The following SPINK9 variants were observed in gnomAD, a reference collection of about 807,000 sequenced individuals.
SPINK9 encodes the protein serine peptidase inhibitor Kazal type 9, also known as serine protease inhibitor Kazal-type 9.
SPINK9 carries 3 observed loss-of-function variants against 10.8 expected under a neutral mutation model. That is an observed-to-expected ratio of 0.28 (90% CI 0.13 to 0.72). The LOEUF is 0.72. SPINK9 is among the 30% of genes least tolerant of loss of function. SPINK9 has a pLI of 0.74. For synonymous variants in SPINK9, 30 were observed against 31.2 expected, an observed-to-expected ratio of 0.96 and a Z score of 0.12; for missense variants, 101 against 103.2, an observed-to-expected ratio of 0.98 and a Z score of 0.09.
intron 3 of SPINK9, among the ~76,000 whole-genome samples, chr5:148,339,122 T>C (rs1212486524): frequency 6.6e-6 from 1 of 152,170 alleles, no homozygotes; most frequent in Admixed American, 6.5e-5. Context: ...CTCAACAGAA[T>C]ATATGTTGGT....
intron 2 of SPINK9, among the ~76,000 whole-genome samples, chr5:148,325,430 C>G (rs1757046396): frequency 6.6e-6 from 1 of 151,956 alleles, no homozygotes; most frequent in Non-Finnish European, 1.5e-5. Context: ...ACCTATTCAC[C>G]AACACGTCAC....
chr5:148,339,571 T>G, intron 3 of SPINK9, 96 bp from the exon 4 acceptor site: 1 of 1,067,924 alleles, frequency 9.4e-7, no homozygotes, highest in Non-Finnish European at 1.4e-6. Flanking sequence ...GCGGGGAAAC[T>G]TGAATACATT....
intron 2 of SPINK9, among the ~76,000 whole-genome samples, chr5:148,328,763 T>C (rs1031957253): frequency 1.6e-4 from 24 of 152,246 alleles, no homozygotes; most frequent in Non-Finnish European, 2.9e-5. Context: ...GAGATAATCA[T>C]GTGGTTTTTG....
chr5:148,327,968 A>C (rs1381026310), intron 2 of SPINK9, among the ~76,000 whole-genome samples: 2 of 150,978 alleles, frequency 1.3e-5, no homozygotes, highest in Admixed American at 6.6e-5. Flanking sequence ...CTTTTGGCTT[A>C]GGATTGACTT....
At chr5:148,335,535 A>C, upstream of SPINK9, 1 of 1,283,104 alleles carries the variant, frequency 7.8e-7, no homozygotes, top group Non-Finnish European at 1.1e-6. Context: ...AAAATATATA[A>C]GGCAGGATCA....
upstream of SPINK9, among the ~76,000 whole-genome samples, chr5:148,332,246 G>C (rs1449859553): frequency 1.3e-5 from 2 of 152,222 alleles, no homozygotes; most frequent in Admixed American, 6.5e-5. Flanking sequence ...AAGCACAGCA[G>C]TTACTTCAGA....
chr5:148,335,121 G>A (rs959633648), upstream of SPINK9, among the ~76,000 whole-genome samples: 1 of 152,170 alleles, frequency 6.6e-6, no homozygotes, highest in Non-Finnish European at 1.5e-5. Context: ...ACCTGCAAGA[G>A]CTTCTTCCAG....
upstream of SPINK9, among the ~76,000 whole-genome samples, chr5:148,335,078 T>C (rs901871634): frequency 2.0e-5 from 3 of 152,196 alleles, no homozygotes; most frequent in African/African-American, 7.2e-5. Context: ...CTTCCATTAG[T>C]AGTATAAAGT....
intron 1 of SPINK9, among the ~76,000 whole-genome samples, chr5:148,322,394 A>G (rs1205403614): frequency 1.3e-5 from 2 of 152,184 alleles, no homozygotes; most frequent in Non-Finnish European, 2.9e-5. Context: ...CACAAAATAT[A>G]CGTCTTTACT....
At chr5:148,328,099 T>G (rs1036146562) in intron 2 of SPINK9, among the ~76,000 whole-genome samples, 3 of 152,200 alleles carry the variant, frequency 2.0e-5, no homozygotes, top group African/African-American at 7.2e-5. Flanking sequence ...CCTTGGGCAG[T>G]ATGGCCATTT....
chr5:148,329,143 T>C (rs1757110999), intron 2 of SPINK9, among the ~76,000 whole-genome samples: 1 of 152,174 alleles, frequency 6.6e-6, no homozygotes, highest in Non-Finnish European at 1.5e-5. Flanking sequence ...CTGGACTTTT[T>C]TTTGTTTGGT....
At chr5:148,326,518 T>A (rs1013147456) in intron 2 of SPINK9, among the ~76,000 whole-genome samples, 3 of 152,066 alleles carry the variant, frequency 2.0e-5, no homozygotes, top group Non-Finnish European at 4.4e-5. Context: ...GGAATGAATT[T>A]TTATTATTAT....
upstream of SPINK9, among the ~76,000 whole-genome samples, chr5:148,331,108 C>A (rs542741047): frequency 6.6e-6 from 1 of 152,302 alleles, no homozygotes; most frequent in African/African-American, 2.4e-5. Flanking sequence ...CACCCACTGT[C>A]CAGCACTCCC....
intron 1 of SPINK9, among the ~76,000 whole-genome samples, chr5:148,321,588 C>G (rs1757000717): frequency 6.6e-6 from 1 of 151,508 alleles, no homozygotes; most frequent in African/African-American, 2.4e-5. Flanking sequence ...AAGTCCAAGT[C>G]CAATCCTCTT....
chr5:148,331,273 T>A (rs956906550), upstream of SPINK9, among the ~76,000 whole-genome samples: 6 of 152,238 alleles, frequency 3.9e-5, no homozygotes, highest in Non-Finnish European at 7.3e-5. Context: ...ATATACACAA[T>A]GGAATATTAT....
chr5:148,339,584 T>G, intron 3 of SPINK9, 83 bp from the exon 4 acceptor site: 1 of 1,167,448 alleles, frequency 8.6e-7, no homozygotes, highest in Non-Finnish European at 1.3e-6. Context: ...AATACATTTT[T>G]GGGATTCATT....
intron 1 of SPINK9, 59 bp downstream of exon 1, chr5:148,335,727 G>C (rs994610231): frequency 2.6e-5 from 40 of 1,560,332 alleles, no homozygotes; most frequent in Non-Finnish European, 3.3e-5. Flanking sequence ...GCAGTCTTCT[G>C]CCTATGTAAT....
intron 2 of SPINK9, among the ~76,000 whole-genome samples, chr5:148,337,378 C>T (rs542484899): frequency 2.6e-5 from 4 of 152,116 alleles, no homozygotes; most frequent in East Asian, 3.9e-4. Flanking sequence ...AACCTTAGCC[C>T]GATAACAGGA....
Position 148,339,846 on chromosome 5 carries a change from A to G in SPINK9, c.*134A>G, listed in dbSNP as rs1461198103. 3.0e-6 allele frequency: 2 copies of G among 660,910 alleles called. No individual in the cohort carries two copies. The highest frequency in any genetic ancestry group is 3.8e-5 in the African/African-American group (2 of 52,916). The allele number at this position is 660,910 out of a possible 1,614,324, so 40.9% of individuals were successfully genotyped here. The stretch of plus-strand genomic sequence containing the variant: ...TTCTTTGTAGAATAAAGCAGATATA[A>G]GGGAAATAAATGTGCACCTGACTCT... On this transcript the variant is annotated 3_prime_UTR_variant, in exon 4 of 4. Transcript: ENST00000377906.
Sources: gnomAD v4.1 joint callset for allele counts (sites outside exome capture counted in the v4.1 genomes callset) on GRCh38, gnomAD v4.1.1 for gene constraint, MANE v1.5 for transcripts, NCBI Gene and HGNC (gene_info 2026-07-23, HGNC 2026-07-21) for gene names.